The following PCDH11Y variants were observed in gnomAD, a reference collection of about 807,000 sequenced individuals.
PCDH11Y encodes protocadherin 11 Y-linked.
For synonymous variants in PCDH11Y, 9 were observed against 83.6 expected (o/e 0.11, Z 4.87); for missense variants, 12 against 224.8 (o/e 0.05, Z 6.05).
intron 2 of PCDH11Y, among the ~76,000 whole-genome samples, chrY:5,237,853 T>A: frequency 3.1e-5 from 1 of 32,258 alleles, no homozygotes; most frequent in Non-Finnish European, 7.6e-5. Context: ...TACCTAGGAA[T>A]CCAACTTACA....
intron 4 of PCDH11Y, among the ~76,000 whole-genome samples, chrY:5,625,904 G>A: frequency 5.6e-5 from 1 of 18,015 alleles, no homozygotes. Context: ...TTTTTTGGTT[G>A]TGTTTCTGTC....
chrY:5,086,990 C>A, intron 1 of PCDH11Y, among the ~76,000 whole-genome samples: 1 of 33,621 alleles, frequency 3.0e-5, no homozygotes, highest in Admixed American at 2.7e-4. Context: ...TTCAGGGTAA[C>A]AAGGTCTCTC....
intron 2 of PCDH11Y, among the ~76,000 whole-genome samples, chrY:5,243,442 A>AT (rs2052990992): frequency 3.5e-5 from 1 of 28,869 alleles, no homozygotes; most frequent in Admixed American, 2.8e-4. Flanking sequence ...ATCCGGAGTC[A>AT]GTAAACTATG....
intron 2 of PCDH11Y, among the ~76,000 whole-genome samples, chrY:5,405,479 G>A (rs1602920465): frequency 3.4e-5 from 1 of 29,827 alleles, no homozygotes; most frequent in Non-Finnish European, 7.9e-5. Flanking sequence ...GAGCCACTTC[G>A]CCCAGCCCAG....
chrY:5,726,896 T>A (rs2124714660), intron 4 of PCDH11Y, among the ~76,000 whole-genome samples: 2 of 33,450 alleles, frequency 6.0e-5, no homozygotes, highest in Admixed American at 5.5e-4. Context: ...TTTAATATTA[T>A]CTGAAATATA....
chrY:5,325,961 T>G, intron 2 of PCDH11Y, among the ~76,000 whole-genome samples: 1 of 33,083 alleles, frequency 3.0e-5, no homozygotes, highest in Non-Finnish European at 7.4e-5. Context: ...TATTGTCCAG[T>G]CCTTTTTGGT....
At chrY:5,333,903 A>G in intron 2 of PCDH11Y, among the ~76,000 whole-genome samples, 1 of 31,967 alleles carries the variant, frequency 3.1e-5, no homozygotes, top group Non-Finnish European at 7.6e-5. Flanking sequence ...AAAAAAAAAC[A>G]TTAAAGATAA....
intron 3 of PCDH11Y, among the ~76,000 whole-genome samples, chrY:5,530,663 T>C: frequency 9.0e-5 from 3 of 33,366 alleles, no homozygotes; most frequent in Admixed American, 8.3e-4. Context: ...TTACTTACAA[T>C]AGTGAAATAG....
intron 2 of PCDH11Y, among the ~76,000 whole-genome samples, chrY:5,370,073 C>T: frequency 3.1e-5 from 1 of 32,669 alleles, no homozygotes; most frequent in Non-Finnish European, 7.5e-5. Context: ...TATACAATGG[C>T]TCTAATTTTG....
At chrY:5,275,474 T>C in intron 2 of PCDH11Y, among the ~76,000 whole-genome samples, 1 of 31,822 alleles carries the variant, frequency 3.1e-5, no homozygotes, top group Non-Finnish European at 7.6e-5. Flanking sequence ...ATGTAATAAA[T>C]ATTTGTTGAA....
intron 4 of PCDH11Y, among the ~76,000 whole-genome samples, chrY:5,634,991 A>T: frequency 3.1e-5 from 1 of 31,939 alleles, no homozygotes; most frequent in Admixed American, 2.9e-4. Flanking sequence ...TAATTGCTCT[A>T]AGTAATATTA....
chrY:5,297,158 C>T (rs1602900624), intron 2 of PCDH11Y, among the ~76,000 whole-genome samples: 118 of 33,274 alleles, frequency 3.5e-3, no homozygotes, highest in African/African-American at 0.013. Context: ...CTAGAAATAC[C>T]ATGTCGGAGC....
intron 1 of PCDH11Y, among the ~76,000 whole-genome samples, chrY:5,009,803 G>A: frequency 8.9e-5 from 3 of 33,760 alleles, no homozygotes; most frequent in Non-Finnish European, 1.5e-4. Flanking sequence ...AACTACCAGA[G>A]CGTTGGATGA....
intron 1 of PCDH11Y, among the ~76,000 whole-genome samples, chrY:5,086,117 C>A (rs2124632918): frequency 3.7e-5 from 1 of 26,938 alleles, no homozygotes; most frequent in African/African-American, 1.5e-4. Context: ...ATTCTTTGTT[C>A]TTTTGTCTCC....
At chrY:5,043,900 A>T in intron 3 of PCDH11Y, among the ~76,000 whole-genome samples, 1 of 33,151 alleles carries the variant, frequency 3.0e-5, no homozygotes. Flanking sequence ...ATTTGCACAG[A>T]GGTGTTTATA....
intron 2 of PCDH11Y, among the ~76,000 whole-genome samples, chrY:5,443,757 A>G: frequency 3.0e-5 from 1 of 33,440 alleles, no homozygotes; most frequent in African/African-American, 1.2e-4. Flanking sequence ...GCACATATAT[A>G]CAATGGAGTA....
intron 1 of PCDH11Y, among the ~76,000 whole-genome samples, chrY:5,074,209 C>T (rs1355240939): frequency 0.021 from 649 of 31,191 alleles, no homozygotes; most frequent in Middle Eastern, 0.043. Flanking sequence ...GCAAAAATGT[C>T]TCCAGAGTTT....
At chrY:5,684,493 G>C (rs2053561582) in intron 4 of PCDH11Y, among the ~76,000 whole-genome samples, 1 of 32,826 alleles carries the variant, frequency 3.0e-5, no homozygotes, top group Admixed American at 2.7e-4. Context: ...CCAAAAGAAT[G>C]AAAACTAGTA....
intron 3 of PCDH11Y, among the ~76,000 whole-genome samples, chrY:5,519,101 T>G (rs2053376047): frequency 3.1e-5 from 1 of 32,358 alleles, no homozygotes. Flanking sequence ...TGTTAAAAGC[T>G]TTTTCTGGGC....
Sources: gnomAD v4.1 joint callset for allele counts (sites outside exome capture counted in the v4.1 genomes callset) on GRCh38, gnomAD v4.1.1 for gene constraint, MANE v1.5 for transcripts, NCBI Gene and HGNC (gene_info 2026-07-23, HGNC 2026-07-21) for gene names.